SLIT3: variants seen among roughly 807,000 people sequenced by gnomAD.
The protein encoded by SLIT3 is slit guidance ligand 3.
In SLIT3, 68 loss-of-function variants were observed where a neutral mutation model predicts 184.0. That is an observed-to-expected ratio of 0.37 (90% CI 0.30 to 0.45). The LOEUF (loss-of-function observed/expected upper bound fraction) is 0.45. Among genes scored for constraint, SLIT3 ranks in the 20% least tolerant of loss-of-function variants. The pLI is 1.00. For synonymous variants in SLIT3, 831 were observed against 828.6 expected, an observed-to-expected ratio of 1.00 and a Z score of -0.05; for missense variants, 1,707 against 2,026.0, an observed-to-expected ratio of 0.84 and a Z score of 3.02.
At chr5:169,290,821 G>A (rs139335031) in intron 1 of SLIT3, among the ~76,000 whole-genome samples, 1 of 151,478 alleles carries the variant, frequency 6.6e-6, no homozygotes, top group Non-Finnish European at 1.5e-5. Context: ...CACATGCTAT[G>A]GCACCCACTA....
intron 3 of SLIT3, among the ~76,000 whole-genome samples, chr5:169,202,443 G>T (rs1763931865): frequency 6.6e-6 from 1 of 152,142 alleles, no homozygotes; most frequent in Non-Finnish European, 1.5e-5. Flanking sequence ...CTGAGGCACA[G>T]CAAGGTTATG....
chr5:168,796,273 C>A (rs1756560650), intron 9 of SLIT3, among the ~76,000 whole-genome samples: 1 of 152,178 alleles, frequency 6.6e-6, no homozygotes, highest in Admixed American at 6.5e-5. Flanking sequence ...TTGAAAGCAA[C>A]AAGAGACGCT....
chr5:168,980,091 G>A (rs1754899221), intron 4 of SLIT3, among the ~76,000 whole-genome samples: 1 of 152,002 alleles, frequency 6.6e-6, no homozygotes, highest in African/African-American at 2.4e-5. Context: ...TTTAGAGCAG[G>A]GGACACAGCC....
chr5:169,290,132 C>T lies in SLIT3; in HGVS notation c.197+10381G>A, dbSNP rs192629269. On this transcript the variant is annotated intron_variant, in intron 1 of 35. Coordinates refer to ENST00000519560, the MANE Select transcript of SLIT3 (RefSeq NM_003062.4). Reference sequence around the variant, plus strand: ...ACACTCGGGGATGCACTAGGGCATACGCCAGGGCACACACTAGGAAATATG... The same window carrying T: ...ACACTCGGGGATGCACTAGGGCATATGCCAGGGCACACACTAGGAAATATG... Among the ~76,000 whole-genome samples, 138 of 151,586 alleles carry T rather than the reference C, an allele frequency of 9.1e-4. 2 individuals carry two copies. In the South Asian group the frequency reaches 0.019, roughly 21 times the overall value.
intron 5 of SLIT3, among the ~76,000 whole-genome samples, chr5:168,856,802 T>TGCGCGCGCGCGCGC (rs1395225143): frequency 7.0e-6 from 1 of 143,088 alleles, no homozygotes; most frequent in African/African-American, 2.7e-5. Flanking sequence ...TGTGTGTGTG[T>TGCGCGCGCGCGCGC]GTGTGCGCGC....
At position 169,244,712 on chromosome 5, in the gene SLIT3, C is replaced by T. The variant is rs772874872; in HGVS notation, c.334G>A (p.Glu112Lys). 1 of 1,613,644 alleles carries T rather than the reference C, an allele frequency of 6.2e-7. No homozygotes were observed. The highest frequency in any genetic ancestry group is 8.5e-7 in the Non-Finnish European group (1 of 1,179,648). ...RGAFQDLKQL[E>K]RLRLNKNKLQ... ...AGGCTGTACTGTACTTACAGTCGCT[C>T]TAGCTGCTTCAGGTCCTGGAAGGCG... Residue 112 changes from glutamate (E) to lysine (K), a missense_variant, in exon 3 of 36, where the codon GAG becomes AAG. By Grantham distance (56) the Glu-to-Lys change is moderately conservative (BLOSUM62 1). Transcript: ENST00000519560.
intron 15 of SLIT3, among the ~76,000 whole-genome samples, chr5:168,761,797 G>T (rs1016521634): frequency 6.6e-6 from 1 of 151,740 alleles, no homozygotes; most frequent in African/African-American, 2.4e-5. Flanking sequence ...GGAGTGCAGT[G>T]GTATGATCAT....
At chr5:168,882,278 C>G (rs1037875693) in intron 5 of SLIT3, among the ~76,000 whole-genome samples, 3 of 152,166 alleles carry the variant, frequency 2.0e-5, no homozygotes, top group Admixed American at 6.5e-5. Context: ...TTCCCTACCC[C>G]TCTCCAAAAG....
chr5:169,032,189 A>G (rs979513620), intron 4 of SLIT3, among the ~76,000 whole-genome samples: 2 of 152,200 alleles, frequency 1.3e-5, no homozygotes, highest in Admixed American at 1.3e-4. Context: ...AGGTACTATG[A>G]AAATACAGGA....
At position 168,806,438 on chromosome 5, in the gene SLIT3, G is replaced by T. The variant is rs199760229; in HGVS notation, c.935+8C>A. On this transcript the variant is annotated splice_region_variant and intron_variant, in intron 9 of 35. Coordinates refer to ENST00000519560, the MANE Select transcript of SLIT3 (RefSeq NM_003062.4). Reference sequence around the variant, plus strand: ...CAGTTGTTGGGGGTGTCAGACAGGTGCACTTACATTTCGACGATGCCCTCC... The same window carrying T: ...CAGTTGTTGGGGGTGTCAGACAGGTTCACTTACATTTCGACGATGCCCTCC... 3.9e-4 allele frequency: 623 copies of T among 1,614,130 alleles called. 3 individuals carry two copies. The highest frequency in any genetic ancestry group is 1.6e-3 in the South Asian group (146 of 91,078).
chr5:168,986,257 T>A (rs1411170866), intron 4 of SLIT3, among the ~76,000 whole-genome samples: 1 of 152,174 alleles, frequency 6.6e-6, no homozygotes, highest in African/African-American at 2.4e-5. Context: ...GATCCCTATA[T>A]GATAGATGAT....
At chr5:168,815,919 C>G (rs1757322506) in intron 8 of SLIT3, among the ~76,000 whole-genome samples, 1 of 152,216 alleles carries the variant, frequency 6.6e-6, no homozygotes, top group South Asian at 2.1e-4. Flanking sequence ...TCCCTGGGGT[C>G]CTTGTTTCCT....
At chr5:168,710,578 A>G (rs1264712827) in intron 25 of SLIT3, among the ~76,000 whole-genome samples, 2 of 152,048 alleles carry the variant, frequency 1.3e-5, no homozygotes, top group Non-Finnish European at 2.9e-5. Context: ...AGCCTGTGCA[A>G]CATAGTGAGA....
chr5:168,890,097 AC>A (rs1760388592), intron 4 of SLIT3, among the ~76,000 whole-genome samples: 1 of 146,454 alleles, frequency 6.8e-6, no homozygotes. Flanking sequence ...CCAAGATCAC[AC>A]CACCGCACCC....
intron 4 of SLIT3, chr5:168,993,060 A>G (rs969804608): frequency 3.3e-5 from 5 of 152,188 alleles, no homozygotes; most frequent in African/African-American, 1.2e-4. Flanking sequence ...GGGCCTCAGT[A>G]GGTAGGTGTT....
rs534737991 is a variant in SLIT3, at chr5:169,259,275, T to C, written c.198-7816A>G. Reference sequence around the variant, plus strand: ...GGTTTCACCAGGTTGGCCAGGCTGGTCTCGAACTCCTGACCTCAGGTGATC... The same window carrying C: ...GGTTTCACCAGGTTGGCCAGGCTGGCCTCGAACTCCTGACCTCAGGTGATC... On this transcript the variant is annotated intron_variant, in intron 1 of 35. Coordinates refer to ENST00000519560, the MANE Select transcript of SLIT3 (RefSeq NM_003062.4). Among the ~76,000 whole-genome samples the C allele has an allele frequency of 2.0e-5, 3 of 152,252 alleles. No homozygotes were observed. In the South Asian group the frequency reaches 6.2e-4, roughly 32 times the overall value.
chr5:168,810,257 C>T (rs1351895740), intron 8 of SLIT3, among the ~76,000 whole-genome samples: 1 of 152,216 alleles, frequency 6.6e-6, no homozygotes, highest in Non-Finnish European at 1.5e-5. Flanking sequence ...GAATCACTTT[C>T]TATATCTCCG....
At chr5:168,746,595 T>C (rs1754434608) in intron 20 of SLIT3, among the ~76,000 whole-genome samples, 1 of 101,964 alleles carries the variant, frequency 9.8e-6, no homozygotes, top group African/African-American at 4.0e-5. Flanking sequence ...TGTGTGAGTG[T>C]GGTGGTGTGG....
intron 4 of SLIT3, among the ~76,000 whole-genome samples, chr5:168,898,342 G>C (rs1411733568): frequency 2.0e-5 from 3 of 151,698 alleles, no homozygotes; most frequent in Non-Finnish European, 4.4e-5. Flanking sequence ...GGCAGGAAGT[G>C]GTCCCCCGGG....
Sources: allele counts gnomAD v4.1 joint callset (sites outside exome capture counted in the v4.1 genomes callset), GRCh38; gene constraint gnomAD v4.1.1; transcripts MANE v1.5; gene names NCBI Gene and HGNC (gene_info 2026-07-23, HGNC 2026-07-21).